The following FAN1 variants were observed in gnomAD, a reference collection of about 807,000 sequenced individuals.
FAN1 encodes the protein FANCD2 and FANCI associated nuclease 1.
Under a neutral mutation model 104.9 loss-of-function variants are expected in FAN1, and 91 were observed. The observed-to-expected ratio is 0.87, with a 90% CI of 0.73 to 1.03. The LOEUF is 1.03. Among genes scored for constraint, FAN1 ranks in the 50% least tolerant of loss-of-function variants. The pLI is 0.00. For synonymous variants in FAN1, 478 were observed against 457.6 expected (o/e 1.04, Z -0.57); for missense variants, 1,263 against 1,239.9 (o/e 1.02, Z -0.28).
intron 8 of FAN1, among the ~76,000 whole-genome samples, chr15:30,922,850 CGTT>C (rs1434926935): frequency 1.3e-5 from 2 of 152,216 alleles, no homozygotes; most frequent in Admixed American, 6.5e-5. Flanking sequence ...CATTTGGAAG[CGTT>C]GTTTGACCTT....
In FAN1 at chr15:30,904,546, CAT is replaced by C. The variant is rs1566904755; in HGVS notation, c.-114_-113del. The C allele has an allele frequency of 1.1e-6, 1 of 926,410 alleles. No homozygotes were observed. Among genetic ancestry groups the C allele is most frequent in the Non-Finnish European group, 1.8e-6 (1 of 566,054 alleles). 57.4% of individuals were successfully genotyped at this position (926,410 alleles called of 1,614,324 possible). ...ATTGTCGAGACGAATAACATGAGGT[CAT>C]ATAGAATCCCACTTTTGGTGATTTC... On this transcript the variant is annotated 5_prime_UTR_variant, in exon 2 of 15. The change creates a premature stop within an existing upstream ORF in the 5' untranslated region. Transcript: ENST00000362065.
intron 8 of FAN1, among the ~76,000 whole-genome samples, chr15:30,924,218 T>A (rs1238863514): frequency 6.6e-6 from 1 of 152,228 alleles, no homozygotes; most frequent in Non-Finnish European, 1.5e-5. Flanking sequence ...CACTGTAGCA[T>A]CTGATACCAC....
In FAN1 at chr15:30,905,478, G is replaced by A; in HGVS notation, c.815G>A (p.Arg272Lys). Residue 272 changes from arginine (R) to lysine (K), a missense_variant, in exon 2 of 15, where the codon AGG becomes AAG. By Grantham distance (26) the Arg-to-Lys change is conservative. This residue lies in a region of FAN1 where 682 missense variants were observed against 571.1 expected (regional missense o/e 1.19). Transcript: ENST00000362065. ...IMLFSPDFTL[R>K]NTLKSTSEDS... Reference sequence around the variant, plus strand: ...TTATTCTCACCAGATTTCACTCTTAGGAATACATTAAAGTCTACTTCAGAA... The same window carrying A: ...TTATTCTCACCAGATTTCACTCTTAAGAATACATTAAAGTCTACTTCAGAA... The A allele has an allele frequency of 6.2e-7, 1 of 1,614,070 alleles. No individual in the cohort carries two copies. The highest frequency in any genetic ancestry group is 8.5e-7 in the Non-Finnish European group (1 of 1,179,958).
intron 14 of FAN1, chr15:30,940,595 G>C (rs1469509204): frequency 1.0e-6 from 1 of 985,280 alleles, no homozygotes; most frequent in African/African-American, 1.7e-5. Context: ...TTGAGGGCGA[G>C]TTTTGGCATA....
At position 30,941,792 on chromosome 15, in the gene FAN1, C is replaced by G; in HGVS notation, c.*230C>G. 2 of 1,614,042 alleles carry G rather than the reference C, an allele frequency of 1.2e-6. No individual in the cohort carries two copies. Among genetic ancestry groups the G allele is most frequent in the Non-Finnish European group, 1.7e-6 (2 of 1,179,892 alleles). On this transcript the variant is annotated 3_prime_UTR_variant, in exon 15 of 15. Transcript: ENST00000362065. ...AAAGGCTGTGATGGAGCCACCCAGGCTGATCTGGGCCTCGGGAACCCAGCG... is the reference window on the plus strand; with the variant it reads ...AAAGGCTGTGATGGAGCCACCCAGGGTGATCTGGGCCTCGGGAACCCAGCG...
Position 30,929,256 on chromosome 15 carries a change from C to T in FAN1, c.2646C>T (p.Ala882=). The change falls in exon 12 of 15, where the codon GCC becomes GCT. Residue 882 remains alanine (A), a synonymous_variant. Coordinates refer to ENST00000362065, the MANE Select transcript of FAN1 (RefSeq NM_014967.5). Reference sequence around the variant, plus strand: ...GCTTCTTCACAAGCAGACGCCCAGCCCTTGAGGCCAGGCTGCAGCTGATTC... The same window carrying T: ...GCTTCTTCACAAGCAGACGCCCAGCTCTTGAGGCCAGGCTGCAGCTGATTC... ...TDSFFTSRRP[A]LEARLQLIHD... 1.2e-6 allele frequency: 2 copies of T among 1,613,678 alleles called. No homozygotes were observed. The highest frequency in any genetic ancestry group is 1.7e-6 in the Non-Finnish European group (2 of 1,179,850).
intron 3 of FAN1, among the ~76,000 whole-genome samples, chr15:30,910,255 C>G (rs1471429436): frequency 6.6e-6 from 1 of 152,176 alleles, no homozygotes; most frequent in Non-Finnish European, 1.5e-5. Context: ...TTCTCTCTGA[C>G]CTGGTTTGAG....
Position 30,905,248 on chromosome 15 carries a change from C to T in FAN1, c.585C>T (p.Asn195=), listed in dbSNP as rs768300893. ...KSTVVKSLID[N]SSEIEDEDQI... ...CAGTTGTTAAGAGCCTGATTGATAA[C>T]TCTTCAGAAATTGAGGACGAGGATC... The change falls in exon 2 of 15, where the codon AAC becomes AAT. Residue 195 remains asparagine, a synonymous_variant. Transcript: ENST00000362065. 5 of 1,613,930 alleles carry T rather than the reference C, an allele frequency of 3.1e-6. No individual in the cohort carries two copies. Among genetic ancestry groups the T allele is most frequent in the Non-Finnish European group, 8.5e-7 (1 of 1,180,016 alleles).
At chr15:30,911,572 A>G (rs1371524924) in intron 4 of FAN1, 1 of 968,526 alleles carries the variant, frequency 1.0e-6, no homozygotes, top group Non-Finnish European at 1.2e-6. Flanking sequence ...CAACACTTGA[A>G]AAAAGCTCGT....
intron 11 of FAN1, chr15:30,928,944 G>A (rs956194671): frequency 2.9e-6 from 1 of 344,674 alleles, no homozygotes; most frequent in African/African-American, 2.2e-5. Flanking sequence ...CGCAGGCACT[G>A]TGCCAAGGAG....
At position 30,908,176 on chromosome 15, in the gene FAN1, G is replaced by C. The variant is rs2062023521; in HGVS notation, c.1293G>C (p.Met431Ile). 6.2e-7 allele frequency: 1 copy of C among 1,611,232 alleles called. No individual in the cohort carries two copies. Among genetic ancestry groups the C allele is most frequent in the Non-Finnish European group, 8.5e-7 (1 of 1,178,778 alleles). Residue 431 changes from methionine (M) to isoleucine (I), a missense_variant, in exon 3 of 15, where the codon ATG becomes ATC. By Grantham distance (10) the Met-to-Ile change is conservative. Around this residue, in one of 2 missense-constraint regions of FAN1, gnomAD observed 682 missense variants for 571.1 expected, o/e 1.19. Coordinates refer to ENST00000362065, the MANE Select transcript of FAN1 (RefSeq NM_014967.5). ...LFQRKLSWIK[M>I]TKLEYEEIAL... Reference sequence around the variant, plus strand: ...AACGTAAATTAAGCTGGATTAAGATGACCAAATTAGAGTATGAAGAGATTG... The same window carrying C: ...AACGTAAATTAAGCTGGATTAAGATCACCAAATTAGAGTATGAAGAGATTG...
intron 12 of FAN1, among the ~76,000 whole-genome samples, chr15:30,930,241 T>A (rs2062671912): frequency 6.6e-6 from 1 of 151,904 alleles, no homozygotes; most frequent in South Asian, 2.1e-4. Flanking sequence ...TATGAGGCCA[T>A]GCTGTCGCGT....
intron 10 of FAN1, chr15:30,926,934 A>T (rs1224419512): frequency 1.0e-6 from 1 of 985,056 alleles, no homozygotes; most frequent in African/African-American, 1.8e-5. Flanking sequence ...AGCGATCTCA[A>T]CCTCTTCTGG....
rs770779778 is a variant in FAN1, at chr15:30,905,838, A to G, written c.1175A>G (p.Asp392Gly). The change falls in exon 2 of 15, where the codon GAT (aspartate) becomes GGT (glycine). Residue 392 changes from aspartate (D) to glycine (G), a missense_variant. Coordinates refer to ENST00000362065, the MANE Select transcript of FAN1 (RefSeq NM_014967.5). ...AAAACCGTACTTGAGAATGAAGATG[A>G]TATGTTGCTCTTTGATGAGCAGGAG... ...VLKTVLENEDDMLLFDEQEKG... is the reference protein window; with the variant it reads ...VLKTVLENEDGMLLFDEQEKG... 92 of 1,613,968 alleles carry G rather than the reference A, an allele frequency of 5.7e-5. No individual in the cohort carries two copies. Among genetic ancestry groups the G allele is most frequent in the Non-Finnish European group, 7.6e-5 (90 of 1,179,944 alleles).
chr15:30,942,327 T>G lies in FAN1; in HGVS notation c.*765T>G, dbSNP rs1256364033. 1 of 539,084 alleles carries G rather than the reference T, an allele frequency of 1.9e-6. No homozygotes were observed. The highest frequency in any genetic ancestry group is 3.4e-5 in the Admixed American group (1 of 29,436). 33.4% of individuals were successfully genotyped at this position (539,084 alleles called of 1,614,324 possible). ...ATGAGAGTACCTCCTATCCACTAAT[T>G]TGCTTAAGGATAAGTTCTAAGACGG... On this transcript the variant is annotated 3_prime_UTR_variant, in exon 15 of 15. Coordinates refer to ENST00000362065, the MANE Select transcript of FAN1 (RefSeq NM_014967.5).
intron 8 of FAN1, among the ~76,000 whole-genome samples, chr15:30,923,904 G>A (rs1238804091): frequency 6.6e-6 from 1 of 152,066 alleles, no homozygotes; most frequent in East Asian, 1.9e-4. Context: ...ACAGTTCAGT[G>A]GCATTCATGG....
At position 30,905,278 on chromosome 15, in the gene FAN1, T is replaced by A; in HGVS notation, c.615T>A (p.Ile205=). The part of the protein sequence containing the change: ...NSSEIEDEDQ[I]LENSSQKENV... ...CAGAAATTGAGGACGAGGATCAAAT[T>A]TTGGAGAACAGTTCTCAAAAAGAAA... The change falls in exon 2 of 15, where the codon ATT becomes ATA. Residue 205 remains isoleucine (I), a synonymous_variant. Coordinates refer to ENST00000362065, the MANE Select transcript of FAN1 (RefSeq NM_014967.5). 1.2e-6 allele frequency: 2 copies of A among 1,614,028 alleles called. No individual in the cohort carries two copies. Among genetic ancestry groups the A allele is most frequent in the Non-Finnish European group, 1.7e-6 (2 of 1,180,028 alleles).
chr15:30,929,257 C>G lies in FAN1; in HGVS notation c.2647C>G (p.Leu883Val). 6.2e-7 allele frequency: 1 copy of G among 1,613,712 alleles called. No individual in the cohort carries two copies. Among genetic ancestry groups the G allele is most frequent in the Non-Finnish European group, 8.5e-7 (1 of 1,179,856 alleles). Residue 883 changes from leucine (L) to valine (V), a missense_variant, in exon 12 of 15, where the codon CTT (leucine) becomes GTT (valine). By Grantham distance (32) the Leu-to-Val change is conservative (BLOSUM62 1). Around this residue, in one of 2 missense-constraint regions of FAN1, gnomAD observed 581 missense variants for 668.8 expected, o/e 0.87. Transcript: ENST00000362065. ...DSFFTSRRPA[L>V]EARLQLIHDA... ...CTTCTTCACAAGCAGACGCCCAGCC[C>G]TTGAGGCCAGGCTGCAGCTGATTCA...
intron 10 of FAN1, 41 bp from the exon 11 acceptor site, chr15:30,928,506 TTGTGTG>T (rs61136501): frequency 1.9e-4 from 277 of 1,484,382 alleles, no homozygotes; most frequent in East Asian, 1.1e-3. Context: ...AAAACAGATT[TTGTGTG>T]TGTGTGTGTG....
Sources: gnomAD v4.1 joint callset for allele counts (sites outside exome capture counted in the v4.1 genomes callset) on GRCh38, gnomAD v4.1.1 for gene constraint, gnomAD v4.1.1 regional missense constraint, MANE v1.5 for transcripts, NCBI Gene and HGNC (gene_info 2026-07-23, HGNC 2026-07-21) for gene names.